CBL: variants seen among roughly 807,000 people sequenced by gnomAD.
The protein encoded by CBL is Cbl proto-oncogene, also known as E3 ubiquitin-protein ligase CBL.
A neutral mutation model predicts 96.9 loss-of-function variants in CBL; 45 were observed. That is an observed-to-expected ratio of 0.46 (90% confidence interval 0.37 to 0.60). CBL has a LOEUF of 0.60. Ranked by LOEUF, CBL falls within the 20% of genes least tolerant of loss-of-function variation. The probability of loss-of-function intolerance (pLI) is 0.00; values close to 1 mark genes in which losing one functional copy is unlikely to be tolerated. For missense variants in CBL, 1,024 were observed against 1,143.5 expected, an observed-to-expected ratio of 0.90 and a Z score of 1.51; for synonymous variants, 420 against 426.8, an observed-to-expected ratio of 0.98 and a Z score of 0.20.
chr11:119,268,381 A>G (rs1949819407), intron 2 of CBL, among the ~76,000 whole-genome samples: 2 of 152,270 alleles, frequency 1.3e-5, no homozygotes, highest in Admixed American at 1.3e-4. Flanking sequence ...ATGGAGAACA[A>G]GGTAAATGAA....
chr11:119,272,604 TA>T (rs1236074576), intron 3 of CBL, among the ~76,000 whole-genome samples: 1 of 152,218 alleles, frequency 6.6e-6, no homozygotes, highest in Non-Finnish European at 1.5e-5. Flanking sequence ...CAAAATGGTG[TA>T]CCAGTTCATA....
At chr11:119,210,520 C>G (rs1212662657) in intron 1 of CBL, among the ~76,000 whole-genome samples, 1 of 151,900 alleles carries the variant, frequency 6.6e-6, no homozygotes, top group Non-Finnish European at 1.5e-5. Context: ...TCCTCTACCT[C>G]CCAGGTTCAA....
At chr11:119,246,726 A>G (rs1444183343) in intron 2 of CBL, among the ~76,000 whole-genome samples, 3 of 152,270 alleles carry the variant, frequency 2.0e-5, no homozygotes, top group Admixed American at 1.3e-4. Flanking sequence ...TGTTGGGATT[A>G]CAGGTGTGAG....
intron 2 of CBL, among the ~76,000 whole-genome samples, chr11:119,249,753 C>A (rs1177221836): frequency 6.6e-6 from 1 of 151,342 alleles, no homozygotes; most frequent in East Asian, 1.9e-4. Flanking sequence ...CTCCTGGGCT[C>A]AAGTATCGAT....
intron 1 of CBL, among the ~76,000 whole-genome samples, chr11:119,212,583 A>C (rs1949327463): frequency 6.6e-6 from 1 of 152,152 alleles, no homozygotes; most frequent in African/African-American, 2.4e-5. Flanking sequence ...CCGAGATCGC[A>C]CCATTGCATG....
At chr11:119,265,326 A>G (rs1949793522) in intron 2 of CBL, among the ~76,000 whole-genome samples, 1 of 152,222 alleles carries the variant, frequency 6.6e-6, no homozygotes, top group Admixed American at 6.5e-5. Context: ...CTTCAGAACA[A>G]TAATATTCAA....
intron 8 of CBL, 105 bp from the exon 9 acceptor site, chr11:119,278,405 T>C: frequency 1.9e-6 from 3 of 1,550,460 alleles, no homozygotes; most frequent in Non-Finnish European, 2.7e-6. Flanking sequence ...GGGGTTAGGT[T>C]TAAACTTTTA....
At chr11:119,215,986 G>C (rs1949357310) in intron 1 of CBL, among the ~76,000 whole-genome samples, 1 of 152,234 alleles carries the variant, frequency 6.6e-6, no homozygotes, top group African/African-American at 2.4e-5. Flanking sequence ...TCCTGCAGCA[G>C]CTTCCGCAAG....
Position 119,304,434 on chromosome 11 carries a change from G to A in CBL, c.*4653G>A, listed in dbSNP as rs1050742197. 4 of 232,908 alleles carry A rather than the reference G, an allele frequency of 1.7e-5. No homozygotes were observed. Among genetic ancestry groups the A allele is most frequent in the East Asian group, 6.0e-5 (1 of 16,570 alleles). The allele number at this position is 232,908 out of a possible 1,614,324, so 14.4% of individuals were successfully genotyped here. A position where few individuals can be genotyped will look rare whatever the true frequency, so the allele number is the denominator to read the frequency against. On this transcript the variant is annotated 3_prime_UTR_variant, in exon 16 of 16. Transcript: ENST00000264033. ...TTGTGGTAAGGATGCAGGGTATTTC[G>A]CAGAACCCAGGACGGGAAGTGCCTT... is the stretch of plus-strand genomic sequence containing the variant.
chr11:119,298,321 G>A (rs1414938193), intron 14 of CBL, 37 bp from the exon 15 acceptor site: 6 of 1,579,460 alleles, frequency 3.8e-6, no homozygotes, highest in Non-Finnish European at 5.2e-6. Context: ...AAGATGAAGT[G>A]CGTCAGAAGA....
intron 2 of CBL, among the ~76,000 whole-genome samples, chr11:119,234,630 T>G (rs1949528220): frequency 6.6e-6 from 1 of 152,170 alleles, no homozygotes. Flanking sequence ...TTAATAGAGA[T>G]ATGTACAAAA....
intron 9 of CBL, among the ~76,000 whole-genome samples, chr11:119,278,919 A>G (rs561823603): frequency 6.6e-6 from 1 of 152,180 alleles, no homozygotes; most frequent in African/African-American, 2.4e-5. Context: ...ACATACTACT[A>G]TTATCCTTAT....
intron 12 of CBL, among the ~76,000 whole-genome samples, chr11:119,292,009 T>A (rs1950030671): frequency 6.6e-6 from 1 of 152,120 alleles, no homozygotes; most frequent in South Asian, 2.1e-4. Context: ...TGTGCCACCA[T>A]GCCTGGCTAA....
chr11:119,232,421 A>G (rs1949510382), intron 1 of CBL, 27 bp from the exon 2 acceptor site: 1 of 1,611,218 alleles, frequency 6.2e-7, no homozygotes, highest in Non-Finnish European at 8.5e-7. Flanking sequence ...TCTCCAAGTA[A>G]TAGCCCTTCT....
At chr11:119,225,731 T>TC (rs1949453470) in intron 1 of CBL, among the ~76,000 whole-genome samples, 1 of 145,176 alleles carries the variant, frequency 6.9e-6, no homozygotes, top group Non-Finnish European at 1.5e-5. Flanking sequence ...TTTCTTTTTT[T>TC]TTTTTTTTTT....
intron 1 of CBL, among the ~76,000 whole-genome samples, chr11:119,218,367 C>A (rs912544298): frequency 2.6e-5 from 4 of 152,124 alleles, no homozygotes; most frequent in Non-Finnish European, 5.9e-5. Context: ...TTCTGTAATA[C>A]CCTCATCCAC....
intron 2 of CBL, among the ~76,000 whole-genome samples, chr11:119,258,433 G>T (rs902707476): frequency 6.6e-6 from 1 of 152,032 alleles, no homozygotes; most frequent in African/African-American, 2.4e-5. Context: ...GAGGGAGGAG[G>T]TGCTACACAC....
chr11:119,246,262 C>T lies in CBL; in HGVS notation c.443+13567C>T, dbSNP rs1400055229. Reference sequence around the variant, plus strand: ...TGCTGGGATTACAGGTGCGAACCACCGCGCCCGGCCTTACAAATCTTTTTA... The same window carrying T: ...TGCTGGGATTACAGGTGCGAACCACTGCGCCCGGCCTTACAAATCTTTTTA... On this transcript the variant is annotated intron_variant, in intron 2 of 15. Coordinates refer to ENST00000264033, the MANE Select transcript of CBL (RefSeq NM_005188.4). Among the ~76,000 whole-genome samples, 9 of 151,544 alleles carry T rather than the reference C, an allele frequency of 5.9e-5. No homozygotes were observed. The South Asian group carries it at 6.3e-4, about 11-fold the overall frequency.
At chr11:119,274,522 C>G (rs1365507188) in intron 4 of CBL, among the ~76,000 whole-genome samples, 1 of 152,172 alleles carries the variant, frequency 6.6e-6, no homozygotes, top group Non-Finnish European at 1.5e-5. Flanking sequence ...TTATTAGTTG[C>G]ACCTATAGGC....
Sources: gnomAD v4.1 joint callset for allele counts (sites outside exome capture counted in the v4.1 genomes callset) on GRCh38, gnomAD v4.1.1 for gene constraint, MANE v1.5 for transcripts, NCBI Gene and HGNC (gene_info 2026-07-23, HGNC 2026-07-21) for gene names.